The following CA10 variants were observed in gnomAD, a reference collection of about 807,000 sequenced individuals.
The protein encoded by CA10 is carbonic anhydrase 10 (inactive).
A neutral mutation model predicts 44.2 loss-of-function variants in CA10; 14 were observed. The observed-to-expected ratio is 0.32, with a 90% CI of 0.21 to 0.50. The LOEUF (loss-of-function observed/expected upper bound fraction) is 0.50. CA10 is among the 20% of genes least tolerant of loss of function. CA10 has a pLI of 0.99. For missense variants in CA10, 350 were observed against 409.7 expected, an observed-to-expected ratio of 0.85 and a Z score of 1.26; for synonymous variants, 159 against 141.6, an observed-to-expected ratio of 1.12 and a Z score of -0.87.
intron 2 of CA10, among the ~76,000 whole-genome samples, chr17:52,019,911 C>CAT (rs749006957): frequency 2.9e-4 from 44 of 151,316 alleles, no homozygotes; most frequent in Non-Finnish European, 5.5e-4. Flanking sequence ...GATATATATA[C>CAT]ATATATATAT....
chr17:51,721,627 A>G (rs146214227), intron 4 of CA10, among the ~76,000 whole-genome samples: 1 of 152,058 alleles, frequency 6.6e-6, no homozygotes, highest in African/African-American at 2.4e-5. Flanking sequence ...GAGCCACCGC[A>G]CCTGGCCAGT....
intron 4 of CA10, among the ~76,000 whole-genome samples, chr17:51,674,589 G>T (rs1167025299): frequency 6.6e-6 from 1 of 152,204 alleles, no homozygotes; most frequent in Non-Finnish European, 1.5e-5. Flanking sequence ...TATTGGAAAA[G>T]ATGCTATTAT....
chr17:51,725,466 C>T (rs1177796182), intron 4 of CA10, among the ~76,000 whole-genome samples: 1 of 152,182 alleles, frequency 6.6e-6, no homozygotes, highest in Non-Finnish European at 1.5e-5. Flanking sequence ...AGCATATCAA[C>T]AAGGCAAGGA....
At chr17:51,862,799 G>A (rs1158546011) in intron 3 of CA10, among the ~76,000 whole-genome samples, 3 of 151,676 alleles carry the variant, frequency 2.0e-5, no homozygotes, top group South Asian at 2.1e-4. Flanking sequence ...GGGCGGGGAC[G>A]GGGGAAGTTG....
At chr17:52,007,145 T>C (rs1985628416) in intron 2 of CA10, among the ~76,000 whole-genome samples, 1 of 151,688 alleles carries the variant, frequency 6.6e-6, no homozygotes, top group Non-Finnish European at 1.5e-5. Context: ...CTTCTAACAG[T>C]TTGGCTGGAA....
intron 1 of CA10, among the ~76,000 whole-genome samples, chr17:52,077,892 T>C (rs1375529045): frequency 6.6e-6 from 1 of 152,148 alleles, no homozygotes; most frequent in Non-Finnish European, 1.5e-5. Flanking sequence ...TTCAAACCAG[T>C]CAATAAAGAC....
intron 3 of CA10, among the ~76,000 whole-genome samples, chr17:51,750,484 A>C (rs1232239426): frequency 6.9e-6 from 1 of 144,160 alleles, no homozygotes; most frequent in South Asian, 2.3e-4. Context: ...TGATTGTTGA[A>C]TCTTTACAGC....
intron 3 of CA10, among the ~76,000 whole-genome samples, chr17:51,861,988 T>C (rs1979331897): frequency 6.6e-6 from 1 of 152,184 alleles, no homozygotes; most frequent in South Asian, 2.1e-4. Context: ...TATGGTCCAC[T>C]ATATACAACA....
At chr17:52,069,370 A>T (rs779927709) in intron 2 of CA10, among the ~76,000 whole-genome samples, 4 of 152,168 alleles carry the variant, frequency 2.6e-5, no homozygotes, top group Non-Finnish European at 5.9e-5. Flanking sequence ...CCCTGAGTAT[A>T]TGATGGTATG....
At chr17:51,830,094 G>A (rs76610500) in intron 3 of CA10, among the ~76,000 whole-genome samples, 5,956 of 151,526 alleles carry the variant, frequency 0.039, 152 homozygotes, top group South Asian at 0.069. Context: ...CTACTTGGGA[G>A]GCTGATGCAG....
At chr17:51,822,574 A>C (rs1838595743) in intron 3 of CA10, among the ~76,000 whole-genome samples, 1 of 152,230 alleles carries the variant, frequency 6.6e-6, no homozygotes, top group South Asian at 2.1e-4. Flanking sequence ...TTAGGTGTTT[A>C]CTGTCCTTCA....
At chr17:52,069,670 C>T (rs1354611626) in intron 2 of CA10, among the ~76,000 whole-genome samples, 1 of 152,132 alleles carries the variant, frequency 6.6e-6, no homozygotes, top group Non-Finnish European at 1.5e-5. Flanking sequence ...ACTTGGTGCT[C>T]AGCACAAGGT....
chr17:52,023,697 CA>C (rs59000757), intron 2 of CA10, among the ~76,000 whole-genome samples: 9 of 147,622 alleles, frequency 6.1e-5, no homozygotes, highest in African/African-American at 1.5e-4. Flanking sequence ...TACAGAATGG[CA>C]AAAAAAAAAA....
intron 4 of CA10, among the ~76,000 whole-genome samples, chr17:51,730,328 T>C (rs1175540090): frequency 6.6e-6 from 1 of 152,250 alleles, no homozygotes; most frequent in African/African-American, 2.4e-5. Flanking sequence ...TTAGTCATTC[T>C]TCTGTTTCTT....
chr17:52,016,533 G>A (rs1196947157), intron 2 of CA10, among the ~76,000 whole-genome samples: 1 of 152,072 alleles, frequency 6.6e-6, no homozygotes, highest in South Asian at 2.1e-4. Flanking sequence ...TTGAGTCATG[G>A]GGGTGGATCC....
chr17:51,871,743 C>T (rs186121063), intron 3 of CA10, among the ~76,000 whole-genome samples: 1 of 151,838 alleles, frequency 6.6e-6, no homozygotes, highest in South Asian at 2.1e-4. Context: ...TGCTTCTCTA[C>T]TTGCTATATA....
chr17:52,150,756 T>G (rs185249319), intron 1 of CA10, among the ~76,000 whole-genome samples: 1 of 152,304 alleles, frequency 6.6e-6, no homozygotes, highest in African/African-American at 2.4e-5. Context: ...ATAATTAATC[T>G]TCATGACACC....
intron 2 of CA10, among the ~76,000 whole-genome samples, chr17:52,001,099 T>G (rs1338840595): frequency 6.6e-6 from 1 of 151,958 alleles, no homozygotes; most frequent in Non-Finnish European, 1.5e-5. Flanking sequence ...GAAGACCTGG[T>G]GCCTTTATTG....
chr17:51,788,549 G>A (rs969435327), intron 3 of CA10, among the ~76,000 whole-genome samples: 17 of 152,028 alleles, frequency 1.1e-4, no homozygotes, highest in African/African-American at 3.9e-4. Flanking sequence ...ACCCTGATTC[G>A]ATCATTACAC....
Sources: allele counts gnomAD v4.1 joint callset (sites outside exome capture counted in the v4.1 genomes callset), GRCh38; gene constraint gnomAD v4.1.1; transcripts MANE v1.5; gene names NCBI Gene and HGNC (gene_info 2026-07-23, HGNC 2026-07-21).